Variants in EPS15L1 observed in about 807,000 individuals in gnomAD.
EPS15L1 encodes the protein epidermal growth factor receptor substrate 15-like 1.
EPS15L1 carries 43 observed loss-of-function variants against 117.1 expected under a neutral mutation model. The observed-to-expected ratio is 0.37, with a 90% CI of 0.29 to 0.47. EPS15L1 has a LOEUF of 0.47. EPS15L1 is among the 20% of genes least tolerant of loss of function. The probability of loss-of-function intolerance (pLI) is 0.99; values close to 1 mark genes in which losing one functional copy is unlikely to be tolerated. For missense variants in EPS15L1, 981 were observed against 1,164.0 expected (o/e 0.84, Z 2.29); for synonymous variants, 459 against 470.5 (o/e 0.98, Z 0.32).
At chr19:16,375,183 T>C (rs1393526016) in intron 22 of EPS15L1, among the ~76,000 whole-genome samples, 1 of 152,206 alleles carries the variant, frequency 6.6e-6, no homozygotes, top group African/African-American at 2.4e-5. Flanking sequence ...GGAGAGTGCG[T>C]GTGTGCCTGC....
intron 22 of EPS15L1, among the ~76,000 whole-genome samples, chr19:16,372,445 C>A (rs2092238225): frequency 6.6e-6 from 1 of 152,238 alleles, no homozygotes; most frequent in Non-Finnish European, 1.5e-5. Flanking sequence ...GTGACTCAGA[C>A]CCAAACTCAC....
At chr19:16,438,123 C>G (rs572362508) in intron 4 of EPS15L1, among the ~76,000 whole-genome samples, 1 of 152,232 alleles carries the variant, frequency 6.6e-6, no homozygotes, top group East Asian at 1.9e-4. Context: ...GAGACCGAGG[C>G]AGGTGGATCA....
intron 2 of EPS15L1, 30 bp from the exon 3 acceptor site, chr19:16,442,011 CTT>C (rs760552580): frequency 2.7e-5 from 43 of 1,591,180 alleles, no homozygotes; most frequent in Admixed American, 5.1e-5. Context: ...GGCAAAATAA[CTT>C]TTCAGCAAAT....
At chr19:16,425,754 G>C (rs1196239728) in intron 8 of EPS15L1, among the ~76,000 whole-genome samples, 4 of 152,278 alleles carry the variant, frequency 2.6e-5, no homozygotes, top group Admixed American at 2.0e-4. Flanking sequence ...GCAGTGAGCT[G>C]TGATCGCGCC....
chr19:16,428,123 C>T (rs1424259662), intron 8 of EPS15L1, among the ~76,000 whole-genome samples: 2 of 150,794 alleles, frequency 1.3e-5, no homozygotes, highest in African/African-American at 2.4e-5. Flanking sequence ...ACTGCTTGAA[C>T]CTGGGAGGCG....
intron 13 of EPS15L1, among the ~76,000 whole-genome samples, chr19:16,406,029 C>T (rs562375213): frequency 4.7e-5 from 7 of 150,246 alleles, no homozygotes; most frequent in African/African-American, 1.7e-4. Context: ...AGGTGGTGGT[C>T]GTGAGAATGG....
intron 7 of EPS15L1, among the ~76,000 whole-genome samples, chr19:16,429,157 T>A (rs545504489): frequency 1.8e-4 from 28 of 152,250 alleles, no homozygotes; most frequent in African/African-American, 6.7e-4. Context: ...CTCCCTTGCA[T>A]TCTCAGCTGG....
chr19:16,360,071 T>C (rs2092031561), intron 23 of EPS15L1, among the ~76,000 whole-genome samples: 1 of 151,366 alleles, frequency 6.6e-6, no homozygotes. Context: ...GGTGTTTTTT[T>C]TTTTTTTATG....
Position 16,467,415 on chromosome 19 carries a change from G to A in EPS15L1, c.33+4498C>T, listed in dbSNP as rs575406529. Among the ~76,000 whole-genome samples, 365 of 152,112 alleles carry A rather than the reference G, an allele frequency of 2.4e-3. 1 individual carries two copies. The highest frequency in any genetic ancestry group is 3.8e-3 in the Non-Finnish European group (258 of 67,974). On this transcript the variant is annotated intron_variant, in intron 1 of 23. Transcript: ENST00000455140. Reference sequence around the variant, plus strand: ...TCCACCTGCCTCAGCCTCCCAAAGTGCTAGGATTACAGGCGTCAGCCACTG... The same window carrying A: ...TCCACCTGCCTCAGCCTCCCAAAGTACTAGGATTACAGGCGTCAGCCACTG...
At position 16,471,803 on chromosome 19, in the gene EPS15L1, G is replaced by T; in HGVS notation, c.33+110C>A. On this transcript the variant is annotated intron_variant, in intron 1 of 23. Coordinates refer to ENST00000455140, the MANE Select transcript of EPS15L1 (RefSeq NM_001258374.3). The surrounding 1 kb of genome is among the most constrained non-coding windows in gnomAD (Gnocchi z 4.8). ...CCGCCCGCCGCAAGCCCTTCAGCACGCGCCGCCCCCGCCGCCGCCTGGCTG... is the reference window on the plus strand; with the variant it reads ...CCGCCCGCCGCAAGCCCTTCAGCACTCGCCGCCCCCGCCGCCGCCTGGCTG... 4.5e-6 allele frequency: 1 copy of T among 224,046 alleles called. No homozygotes were observed. Among genetic ancestry groups the T allele is most frequent in the Non-Finnish European group, 8.0e-6 (1 of 124,602 alleles). 13.9% of individuals were successfully genotyped at this position (224,046 alleles called of 1,614,324 possible).
At chr19:16,450,477 CTTTTTTTTT>C (rs768287701) in intron 1 of EPS15L1, among the ~76,000 whole-genome samples, 1 of 108,198 alleles carries the variant, frequency 9.2e-6, no homozygotes, top group African/African-American at 3.8e-5. Flanking sequence ...TGTCCATCTT[CTTTTTTTTT>C]TTTTTTTTTT....
chr19:16,435,108 G>A (rs1226441357), intron 6 of EPS15L1: 1 of 152,010 alleles, frequency 6.6e-6, no homozygotes, highest in Non-Finnish European at 1.5e-5. Flanking sequence ...TGCGCCACCA[G>A]GCCCGGCTAA....
At chr19:16,422,926 C>T (rs1208351067) in intron 9 of EPS15L1, among the ~76,000 whole-genome samples, 1 of 148,726 alleles carries the variant, frequency 6.7e-6, no homozygotes, top group African/African-American at 2.5e-5. Flanking sequence ...CCACTGCACT[C>T]CAGCCTGGGC....
At chr19:16,403,614 C>A in intron 15 of EPS15L1, 119 bp downstream of exon 15, 1 of 985,172 alleles carries the variant, frequency 1.0e-6, no homozygotes, top group East Asian at 2.4e-5. Context: ...CACAGCCTCC[C>A]AAAAGAGACC....
At chr19:16,421,115 C>A (rs752754414) in intron 10 of EPS15L1, among the ~76,000 whole-genome samples, 4 of 152,262 alleles carry the variant, frequency 2.6e-5, no homozygotes, top group Non-Finnish European at 4.4e-5. Context: ...AGACAGTGAA[C>A]TGACCGTCAC....
chr19:16,366,478 G>A (rs999098843), intron 22 of EPS15L1, among the ~76,000 whole-genome samples: 4 of 152,124 alleles, frequency 2.6e-5, no homozygotes, highest in African/African-American at 7.2e-5. Context: ...TTTCTGATGC[G>A]CAAAGAGATG....
intron 22 of EPS15L1, among the ~76,000 whole-genome samples, chr19:16,373,703 C>T (rs537917775): frequency 2.1e-4 from 32 of 152,198 alleles, no homozygotes; most frequent in African/African-American, 7.0e-4. Context: ...GTACAGAGCC[C>T]GGCTCTGATT....
Position 16,376,758 on chromosome 19 carries a change from G to A in EPS15L1, c.2380+364C>T, listed in dbSNP as rs532618926. Among the ~76,000 whole-genome samples the A allele has an allele frequency of 3.9e-5, 6 of 152,360 alleles. No individual in the cohort carries two copies. The South Asian group carries it at 1.0e-3, about 26-fold the overall frequency. On this transcript the variant is annotated intron_variant, in intron 22 of 23. Coordinates refer to ENST00000455140, the MANE Select transcript of EPS15L1 (RefSeq NM_001258374.3). ...GGGCCAGAGTGGCCACAGGGCTGCC[G>A]GCCATGAGTGGCTCCTGAAGTATAG...
intron 1 of EPS15L1, among the ~76,000 whole-genome samples, chr19:16,463,417 C>A (rs544804433): frequency 6.6e-6 from 1 of 152,278 alleles, no homozygotes; most frequent in South Asian, 2.1e-4. Context: ...CCTGAAACAA[C>A]CTCAGGCCAG....
Sources: gnomAD v4.1 joint callset for allele counts (sites outside exome capture counted in the v4.1 genomes callset) on GRCh38, gnomAD v4.1.1 for gene constraint, Gnocchi (gnomAD v3.1) non-coding constraint, MANE v1.5 for transcripts, NCBI Gene and HGNC (gene_info 2026-07-23, HGNC 2026-07-21) for gene names.